Variants in TENM2 observed in about 807,000 individuals in gnomAD.
TENM2 encodes the protein teneurin transmembrane protein 2.
TENM2 carries 52 observed loss-of-function variants against 245.2 expected under a neutral mutation model. The observed-to-expected ratio is 0.21, with a 90% CI of 0.17 to 0.27. The LOEUF (loss-of-function observed/expected upper bound fraction) is 0.27. TENM2 is among the 10% of genes least tolerant of loss of function. TENM2 has a pLI of 1.00. For synonymous variants in TENM2, 1,363 were observed against 1,438.9 expected (o/e 0.95, Z 1.19); for missense variants, 3,046 against 3,666.8 (o/e 0.83, Z 4.37).
chr5:167,713,343 T>G (rs1759036663), intron 2 of TENM2, among the ~76,000 whole-genome samples: 1 of 151,214 alleles, frequency 6.6e-6, no homozygotes, highest in Admixed American at 6.6e-5. Context: ...CCCCTTGGAT[T>G]TCTGTGCCAA....
chr5:168,161,383 A>G (rs1757726693), intron 12 of TENM2, among the ~76,000 whole-genome samples: 2 of 152,234 alleles, frequency 1.3e-5, no homozygotes, highest in Non-Finnish European at 2.9e-5. Context: ...ATTAATGGTC[A>G]CTGGGGTATA....
At chr5:167,912,579 T>G (rs1776632510) in intron 3 of TENM2, among the ~76,000 whole-genome samples, 1 of 152,054 alleles carries the variant, frequency 6.6e-6, no homozygotes, top group Admixed American at 6.6e-5. Flanking sequence ...GGAAAGTCCT[T>G]TTGCACGTTG....
chr5:166,990,971 G>A, the TENM2 span, among the ~76,000 whole-genome samples: 1 of 152,130 alleles, frequency 6.6e-6, no homozygotes, highest in Non-Finnish European at 1.5e-5. Flanking sequence ...CAGTTGGATT[G>A]GGATTGTGCA....
intron 12 of TENM2, among the ~76,000 whole-genome samples, chr5:168,155,191 A>G (rs1412779041): frequency 2.6e-5 from 4 of 152,178 alleles, no homozygotes; most frequent in South Asian, 4.1e-4. Flanking sequence ...GCTGTTCAGT[A>G]TAAATGGCTA....
In TENM2 at chr5:168,260,469, AC is replaced by A. The variant is rs963734268; in HGVS notation, c.7563+57del. 3.7e-6 allele frequency: 6 copies of A among 1,600,032 alleles called. No individual in the cohort carries two copies. In the Admixed American group the frequency reaches 6.7e-5, roughly 18 times the overall value. On this transcript the variant is annotated intron_variant, in intron 28 of 28. Coordinates refer to ENST00000518659, the Ensembl canonical transcript of TENM2. ...TGATTGTCATCATTCCCTTTTGCAA[AC>A]AGAACCTCATGGGAGCCAGGGGCAT...
intron 5 of TENM2, among the ~76,000 whole-genome samples, chr5:167,996,565 C>T (rs1204435776): frequency 6.6e-6 from 1 of 152,066 alleles, no homozygotes; most frequent in African/African-American, 2.4e-5. Context: ...CACCAGAAGT[C>T]CCTAAGTTTC....
intron 2 of TENM2, among the ~76,000 whole-genome samples, chr5:167,446,385 C>T (rs1765209039): frequency 1.3e-5 from 2 of 152,150 alleles, no homozygotes; most frequent in Non-Finnish European, 2.9e-5. Context: ...AATAGTGGCC[C>T]AGCACCCCAT....
intron 2 of TENM2, among the ~76,000 whole-genome samples, chr5:167,557,395 C>T (rs1469330657): frequency 6.6e-6 from 1 of 152,102 alleles, no homozygotes; most frequent in East Asian, 1.9e-4. Flanking sequence ...TGTTCAAATC[C>T]CAGCTCTGCC....
intron 12 of TENM2, among the ~76,000 whole-genome samples, chr5:168,145,798 C>T (rs1387354043): frequency 2.0e-5 from 3 of 149,950 alleles, no homozygotes; most frequent in Middle Eastern, 6.3e-3. Flanking sequence ...GATATTGATT[C>T]TTCCTACCCA....
the TENM2 span, among the ~76,000 whole-genome samples, chr5:167,179,556 G>A: frequency 1.3e-5 from 2 of 151,954 alleles, no homozygotes; most frequent in African/African-American, 4.8e-5. Context: ...AAGGCTTATT[G>A]GTGGCGTAGG....
In TENM2 at chr5:168,250,569, A is replaced by G. The variant is rs537698215; in HGVS notation, c.7432+2198A>G. Among the ~76,000 whole-genome samples, 4 of 152,342 alleles carry G rather than the reference A, an allele frequency of 2.6e-5. No individual in the cohort carries two copies. The South Asian group carries it at 8.3e-4, about 32-fold the overall frequency. On this transcript the variant is annotated intron_variant, in intron 27 of 28. Coordinates refer to ENST00000518659, the Ensembl canonical transcript of TENM2. ...TGCTGCCATCTAAGCCCCATGCTGC[A>G]GAAATAAACAAACATCCTTAAAGAT... is the stretch of plus-strand genomic sequence containing the variant.
chr5:167,210,342 G>A, the TENM2 span, among the ~76,000 whole-genome samples: 1 of 152,054 alleles, frequency 6.6e-6, no homozygotes, highest in Admixed American at 6.5e-5. Context: ...ATTCTGCAAA[G>A]CAGTCCTAAA....
At position 168,037,842 on chromosome 5, in the gene TENM2, A is replaced by G. The variant is rs568073267; in HGVS notation, c.1187-9585A>G. The stretch of plus-strand genomic sequence containing the variant: ...AAGTCATTTCACTTAAGTAGGGCTC[A>G]GGGTCACCATCTGTCTATACAGCAA... On this transcript the variant is annotated intron_variant, in intron 5 of 28. Transcript: ENST00000518659. Among the ~76,000 whole-genome samples the G allele has an allele frequency of 2.0e-5, 3 of 152,334 alleles. No homozygotes were observed. The South Asian group carries it at 6.2e-4, about 32-fold the overall frequency.
At chr5:167,300,098 A>G (rs1358982702) in intron 1 of TENM2, among the ~76,000 whole-genome samples, 3 of 152,190 alleles carry the variant, frequency 2.0e-5, no homozygotes, top group South Asian at 4.1e-4. Context: ...CTCTTGTGTA[A>G]GGATTCTGAC....
At chr5:168,229,639 G>C (rs757355280) in intron 25 of TENM2, 1 of 152,162 alleles carries the variant, frequency 6.6e-6, no homozygotes, top group Non-Finnish European at 1.5e-5. Context: ...AGAGTAGAAG[G>C]CTCAGCATCG....
intron 9 of TENM2, among the ~76,000 whole-genome samples, chr5:168,110,899 G>A (rs146129193): frequency 1.3e-5 from 2 of 152,220 alleles, no homozygotes; most frequent in East Asian, 3.9e-4. Context: ...ATCTCTACAG[G>A]TATTTTAAAT....
chr5:167,943,297 CA>C (rs1779340754), intron 3 of TENM2, among the ~76,000 whole-genome samples: 1 of 135,408 alleles, frequency 7.4e-6, no homozygotes, highest in South Asian at 2.4e-4. Context: ...AGTTTGTTTC[CA>C]TTATTCTGTT....
chr5:168,246,400 G>C (rs1194442850), intron 26 of TENM2, among the ~76,000 whole-genome samples: 2 of 152,118 alleles, frequency 1.3e-5, no homozygotes. Flanking sequence ...TACTTCAGCT[G>C]TCCAGGCCCT....
At chr5:167,656,672 T>C (rs1293716996) in intron 2 of TENM2, among the ~76,000 whole-genome samples, 1 of 152,094 alleles carries the variant, frequency 6.6e-6, no homozygotes, top group Non-Finnish European at 1.5e-5. Flanking sequence ...AATATATGCG[T>C]TTTTAAAACA....
Sources: gnomAD v4.1 joint callset for allele counts (sites outside exome capture counted in the v4.1 genomes callset) on GRCh38, gnomAD v4.1.1 for gene constraint, MANE v1.5 for transcripts, NCBI Gene and HGNC (gene_info 2026-07-23, HGNC 2026-07-21) for gene names.